The following COL22A1 variants were observed in gnomAD, a reference collection of about 807,000 sequenced individuals.
COL22A1 encodes collagen type XXII alpha 1 chain.
A neutral mutation model predicts 248.9 loss-of-function variants in COL22A1; 221 were observed. That is an observed-to-expected ratio of 0.89 (90% CI 0.80 to 0.99). The LOEUF (loss-of-function observed/expected upper bound fraction) is 0.99, where lower values mean the gene tolerates loss of function less well. Ranked by LOEUF, COL22A1 falls within the 50% of genes least tolerant of loss-of-function variation. COL22A1 has a pLI of 0.00. For missense variants in COL22A1, 2,240 were observed against 2,179.0 expected, an observed-to-expected ratio of 1.03 and a Z score of -0.56; for synonymous variants, 891 against 793.4, an observed-to-expected ratio of 1.12 and a Z score of -2.07.
At chr8:138,876,662 C>A (rs943581966) in intron 3 of COL22A1, among the ~76,000 whole-genome samples, 5 of 152,226 alleles carry the variant, frequency 3.3e-5, no homozygotes, top group African/African-American at 1.2e-4. Flanking sequence ...AAGCCAGGCA[C>A]ATCCCCAGGA....
chr8:138,911,424 G>A (rs955599794), intron 1 of COL22A1, among the ~76,000 whole-genome samples: 1 of 152,148 alleles, frequency 6.6e-6, no homozygotes, highest in Non-Finnish European at 1.5e-5. Context: ...CCACTTATCT[G>A]TGACCCTCTT....
chr8:138,854,958 A>AGGTGAT (rs1246931918), intron 3 of COL22A1, among the ~76,000 whole-genome samples: 4 of 151,632 alleles, frequency 2.6e-5, no homozygotes, highest in African/African-American at 4.9e-5. Flanking sequence ...ATGATGGAGG[A>AGGTGAT]GGTGATGGTG....
chr8:138,660,849 CACAT>C (rs1488401118), intron 43 of COL22A1, among the ~76,000 whole-genome samples: 40 of 142,934 alleles, frequency 2.8e-4, no homozygotes, highest in Non-Finnish European at 3.9e-4. Context: ...GACACACACA[CACAT>C]ACACAGACAC....
intron 44 of COL22A1, among the ~76,000 whole-genome samples, chr8:138,660,185 G>C (rs58343081): frequency 6.6e-6 from 1 of 152,028 alleles, no homozygotes; most frequent in Non-Finnish European, 1.5e-5. Context: ...ACCCATGACC[G>C]AGCTCCTATG....
chr8:138,747,717 C>T (rs545057793), intron 22 of COL22A1, among the ~76,000 whole-genome samples: 21 of 152,300 alleles, frequency 1.4e-4, no homozygotes, highest in Admixed American at 3.9e-4. Flanking sequence ...TTCCTTCTTC[C>T]TGAACTACTC....
rs11284610 is a variant in COL22A1, at chr8:138,796,389, C to CTTTTTTTTTTTTTTTTTTTTTTTTT, written c.1596+405_1596+429dup. Among the ~76,000 whole-genome samples, 10 of 26,312 alleles carry CTTTTTTTTTTTTTTTTTTTTTTTTT rather than the reference C, an allele frequency of 3.8e-4. 1 individual carries two copies. Among genetic ancestry groups the CTTTTTTTTTTTTTTTTTTTTTTTTT allele is most frequent in the East Asian group, 9.8e-4 (1 of 1,020 alleles). 17.3% of individuals were successfully genotyped at this position (26,312 alleles called of 152,430 possible). A position where few individuals can be genotyped will look rare whatever the true frequency, so the allele number is the denominator to read the frequency against. ...TTTTTTTCTCTTGCTTGCTACTTTC[C>CTTTTTTTTTTTTTTTTTTTTTTTTT]TTTTTTTTTTTTTTTTTTTTTTTTT... On this transcript the variant is annotated intron_variant, in intron 12 of 64. Coordinates refer to ENST00000303045, the MANE Select transcript of COL22A1 (RefSeq NM_152888.3).
At chr8:138,908,514 C>A (rs1416143009) in intron 1 of COL22A1, among the ~76,000 whole-genome samples, 1 of 152,188 alleles carries the variant, frequency 6.6e-6, no homozygotes, top group Non-Finnish European at 1.5e-5. Context: ...TCACGTATGG[C>A]AGTCTGTAAT....
At chr8:138,679,490 A>T (rs1463945975) in intron 40 of COL22A1, 127 bp downstream of exon 40, 1 of 787,082 alleles carries the variant, frequency 1.3e-6, no homozygotes, top group Non-Finnish European at 2.2e-6. Context: ...TCTTCCATCC[A>T]TGTTCTAAGC....
At chr8:138,616,881 T>C (rs952168944) in intron 54 of COL22A1, 33 bp downstream of exon 54, 7 of 1,613,488 alleles carry the variant, frequency 4.3e-6, no homozygotes, top group Non-Finnish European at 5.1e-6. Context: ...TCTGCCCACC[T>C]GGGGGGACCT....
At chr8:138,842,821 C>A (rs1402170290) in intron 4 of COL22A1, among the ~76,000 whole-genome samples, 1 of 152,256 alleles carries the variant, frequency 6.6e-6, no homozygotes, top group South Asian at 2.1e-4. Context: ...TAGCACCCCA[C>A]TGGGCACCAG....
chr8:138,692,400 T>C (rs1463753199), intron 35 of COL22A1, among the ~76,000 whole-genome samples: 1 of 149,926 alleles, frequency 6.7e-6, no homozygotes, highest in East Asian at 2.0e-4. Flanking sequence ...CGTATGTACA[T>C]GTGTGTGTAT....
Position 138,778,446 on chromosome 8 carries a change from A to G in COL22A1, c.1705-40T>C. The G allele has an allele frequency of 2.6e-6, 4 of 1,540,696 alleles. No individual in the cohort carries two copies. The East Asian group carries it at 9.0e-5, about 35-fold the overall frequency. ...TTACAGAGTAAAGTTTCAGGGATGG[A>G]AAAGAAAGGCAAGTGCAGCCGTACA... On this transcript the variant is annotated intron_variant, in intron 14 of 64. Coordinates refer to ENST00000303045, the MANE Select transcript of COL22A1 (RefSeq NM_152888.3).
chr8:138,880,421 CA>C (rs1322708224), intron 2 of COL22A1, among the ~76,000 whole-genome samples: 2 of 152,180 alleles, frequency 1.3e-5, no homozygotes, highest in Non-Finnish European at 2.9e-5. Flanking sequence ...CTCTGGCAAG[CA>C]GAGCTATGAG....
intron 18 of COL22A1, among the ~76,000 whole-genome samples, chr8:138,757,955 C>T (rs1205737286): frequency 1.3e-5 from 2 of 152,220 alleles, no homozygotes; most frequent in African/African-American, 2.4e-5. Context: ...ATCCCCGTTC[C>T]TCTATGTGAC....
intron 48 of COL22A1, among the ~76,000 whole-genome samples, chr8:138,636,532 A>AAAGGAAAGGCAAGGCAAGGCAAGGC (rs59983327): frequency 9.7e-5 from 8 of 82,340 alleles, no homozygotes; most frequent in Non-Finnish European, 2.9e-5. Flanking sequence ...AAAGGAAAGG[A>AAAGGAAAGGCAAGGCAAGGCAAGGC]AAGGCAGGGA....
intron 45 of COL22A1, among the ~76,000 whole-genome samples, chr8:138,653,025 G>T (rs1398513258): frequency 2.0e-5 from 3 of 151,972 alleles, no homozygotes; most frequent in Admixed American, 6.6e-5. Flanking sequence ...GGGATTACAG[G>T]CATGAGCCAT....
chr8:138,664,209 G>GCGCGCGCACACACACA (rs1440442280), intron 41 of COL22A1, among the ~76,000 whole-genome samples: 15 of 103,202 alleles, frequency 1.5e-4, no homozygotes, highest in East Asian at 9.7e-4. Context: ...GCGCGCGCGC[G>GCGCGCGCACACACACA]CACACACACA....
intron 49 of COL22A1, among the ~76,000 whole-genome samples, chr8:138,632,158 C>T (rs964624281): frequency 1.3e-5 from 2 of 152,044 alleles, no homozygotes; most frequent in Admixed American, 6.6e-5. Context: ...AGGAGCAATG[C>T]GGCAATGCTT....
At chr8:138,865,971 A>ATG (rs766186120) in intron 3 of COL22A1, among the ~76,000 whole-genome samples, 3 of 150,450 alleles carry the variant, frequency 2.0e-5, no homozygotes, top group African/African-American at 7.4e-5. Context: ...GTGTGAGTAT[A>ATG]TGTGTGTGTG....
Sources: allele counts gnomAD v4.1 joint callset (sites outside exome capture counted in the v4.1 genomes callset), GRCh38; gene constraint gnomAD v4.1.1; transcripts MANE v1.5; gene names NCBI Gene and HGNC (gene_info 2026-07-23, HGNC 2026-07-21).